The following ARHGEF4 variants were observed in gnomAD, a reference collection of about 807,000 sequenced individuals.
The protein encoded by ARHGEF4 is Rho guanine nucleotide exchange factor 4, also known as APC-stimulated guanine nucleotide exchange factor 1.
A neutral mutation model predicts 162.0 loss-of-function variants in ARHGEF4; 119 were observed. The ratio of observed to expected loss-of-function variants is 0.73; its 90% CI spans 0.63 to 0.86. The LOEUF (loss-of-function observed/expected upper bound fraction) is 0.86, where lower values mean the gene tolerates loss of function less well. Ranked by LOEUF, ARHGEF4 falls within the 40% of genes least tolerant of loss-of-function variation. The pLI is 0.00. For synonymous variants in ARHGEF4, 1,014 were observed against 979.9 expected (o/e 1.03, Z -0.65); for missense variants, 2,488 against 2,456.0 (o/e 1.01, Z -0.28).
intron 2 of ARHGEF4, among the ~76,000 whole-genome samples, chr2:130,926,022 TTCTTTCTTTCTTTCTTTCTTTCTTTC>T (rs1682237011): frequency 9.8e-6 from 1 of 102,422 alleles, no homozygotes; most frequent in Non-Finnish European, 1.8e-5. Context: ...CTCTCTTTCT[TTCTTTCTTTCTTTCTTTCTTTCTTTC>T]TCTTTCTTTC....
In ARHGEF4 at chr2:131,044,416, T is replaced by A; in HGVS notation, c.5275T>A (p.Phe1759Ile). The A allele has an allele frequency of 6.4e-7, 1 of 1,574,094 alleles. No individual in the cohort carries two copies. The highest frequency in any genetic ancestry group is 8.6e-7 in the Non-Finnish European group (1 of 1,159,694). Residue 1759 changes from phenylalanine to isoleucine, a missense_variant, in exon 12 of 14, where the codon TTC becomes ATC. This residue lies in a region of ARHGEF4 where 415 missense variants were observed against 512.4 expected (regional missense o/e 0.81). Transcript: ENST00000409359. Reference protein sequence around the residue: ...RDLHVSIKNAFRLHRGATGDS... With the variant: ...RDLHVSIKNAIRLHRGATGDS... Reference sequence around the variant, plus strand: ...CCTCCATGTGAGCATCAAGAACGCCTTCCGGCTGCACCGTGGCGCCACAGG... The same window carrying A: ...CCTCCATGTGAGCATCAAGAACGCCATCCGGCTGCACCGTGGCGCCACAGG...
In ARHGEF4 at chr2:131,040,264, T is replaced by TACGTCCGGCAGTGCC. The variant is rs1690695163; in HGVS notation, c.4487_4501dup (p.Cys1500_Arg1501insHisValArgGlnCys). ...GCCTAACCACGTCCGCCCGCAGGGCTACGTCCGGCAGTGCCGCAAGCGCGC... is the reference window on the plus strand; with the variant it reads ...GCCTAACCACGTCCGCCCGCAGGGCTACGTCCGGCAGTGCCACGTCCGGCAGTGCCGCAAGCGCGC... On this transcript the variant is annotated inframe_insertion, in exon 8 of 14. Coordinates refer to ENST00000409359, the MANE Select transcript of ARHGEF4 (RefSeq NM_001367493.1). 6.2e-7 allele frequency: 1 copy of TACGTCCGGCAGTGCC among 1,612,364 alleles called. No homozygotes were observed. The highest frequency in any genetic ancestry group is 8.5e-7 in the Non-Finnish European group (1 of 1,179,560).
Position 130,916,238 on chromosome 2 carries a change from C to T in ARHGEF4, c.2292C>T (p.Gly764=), listed in dbSNP as rs1383395335. ...AAGGCGGTGCTGCAGCAGCCCGGGGCCAGCGCCCCCGCGTCCCCGCCTTGG... is the reference window on the plus strand; with the variant it reads ...AAGGCGGTGCTGCAGCAGCCCGGGGTCAGCGCCCCCGCGTCCCCGCCTTGG... ...APEGGAAAAR[G]QRPRVPALEP... is the part of the protein sequence containing the mutation. Residue 764 remains glycine (G), a synonymous_variant, in exon 2 of 14, where the codon GGC becomes GGT. Coordinates refer to ENST00000409359, the MANE Select transcript of ARHGEF4 (RefSeq NM_001367493.1). 5.9e-6 allele frequency: 9 copies of T among 1,530,754 alleles called. No homozygotes were observed. In the East Asian group the frequency reaches 2.3e-4, roughly 38 times the overall value. 94.8% of individuals were successfully genotyped at this position (1,530,754 alleles called of 1,614,324 possible). A position where few individuals can be genotyped will look rare whatever the true frequency, so the allele number is the denominator to read the frequency against.
At chr2:130,998,779 T>C (rs1207141823) in intron 4 of ARHGEF4, among the ~76,000 whole-genome samples, 1 of 152,254 alleles carries the variant, frequency 6.6e-6, no homozygotes, top group Non-Finnish European at 1.5e-5. Context: ...CTATAAACAT[T>C]TGTGTACACG....
At chr2:130,957,658 A>G (rs1333962162) in intron 4 of ARHGEF4, among the ~76,000 whole-genome samples, 1 of 152,144 alleles carries the variant, frequency 6.6e-6, no homozygotes, top group Non-Finnish European at 1.5e-5. Context: ...ATATGATGGT[A>G]TTGGGAGGTA....
intron 5 of ARHGEF4, among the ~76,000 whole-genome samples, chr2:131,037,143 C>T (rs1330528722): frequency 6.6e-6 from 1 of 152,202 alleles, no homozygotes; most frequent in Non-Finnish European, 1.5e-5. Context: ...GGTCTGCAGC[C>T]CCCGCGTGGC....
At chr2:130,877,561 G>A (rs1678936566) in intron 1 of ARHGEF4, among the ~76,000 whole-genome samples, 1 of 152,108 alleles carries the variant, frequency 6.6e-6, no homozygotes, top group South Asian at 2.1e-4. Flanking sequence ...GAGGTGGAAG[G>A]ATTGCTTGAA....
chr2:130,913,073 T>A (rs548477242), intron 1 of ARHGEF4, among the ~76,000 whole-genome samples: 2 of 151,332 alleles, frequency 1.3e-5, no homozygotes, highest in Non-Finnish European at 2.9e-5. Flanking sequence ...TGGGGGGGAG[T>A]GGTTCAGGCA....
chr2:130,977,181 T>C (rs896316422), intron 4 of ARHGEF4, among the ~76,000 whole-genome samples: 1 of 151,574 alleles, frequency 6.6e-6, no homozygotes, highest in African/African-American at 2.4e-5. Context: ...GTATTGTGTG[T>C]TGTGTTTGTG....
At chr2:130,979,094 T>C (rs1360948165) in intron 4 of ARHGEF4, among the ~76,000 whole-genome samples, 3 of 152,178 alleles carry the variant, frequency 2.0e-5, no homozygotes, top group African/African-American at 4.8e-5. Flanking sequence ...AAAACATCAA[T>C]TGTGGATGAC....
intron 1 of ARHGEF4, among the ~76,000 whole-genome samples, chr2:130,874,036 C>G (rs1310233391): frequency 6.6e-6 from 1 of 152,160 alleles, no homozygotes; most frequent in African/African-American, 2.4e-5. Context: ...CCCAGCAGCT[C>G]AATTCCTCAA....
At chr2:130,935,284 C>T (rs1190626809) in intron 3 of ARHGEF4, among the ~76,000 whole-genome samples, 1 of 151,960 alleles carries the variant, frequency 6.6e-6, no homozygotes, top group Non-Finnish European at 1.5e-5. Flanking sequence ...GTGGTTTGCC[C>T]ACCTCAGCCT....
chr2:130,867,698 CT>C (rs1267279479), intron 1 of ARHGEF4, among the ~76,000 whole-genome samples: 2 of 152,138 alleles, frequency 1.3e-5, no homozygotes, highest in Non-Finnish European at 2.9e-5. Flanking sequence ...TCAGCCTGTA[CT>C]AAGTCTTCCC....
chr2:130,896,108 G>A (rs930903937), intron 1 of ARHGEF4, among the ~76,000 whole-genome samples: 3 of 152,040 alleles, frequency 2.0e-5, no homozygotes, highest in Admixed American at 2.0e-4. Context: ...ATTATTTGTT[G>A]AAAAGACTAT....
At chr2:130,853,461 A>G (rs1468612452) in intron 1 of ARHGEF4, among the ~76,000 whole-genome samples, 1 of 152,124 alleles carries the variant, frequency 6.6e-6, no homozygotes, top group South Asian at 2.1e-4. Flanking sequence ...CTGAACCTCA[A>G]TCATGTGCTA....
intron 1 of ARHGEF4, among the ~76,000 whole-genome samples, chr2:130,840,103 A>C (rs921155031): frequency 4.6e-5 from 7 of 152,156 alleles, no homozygotes; most frequent in African/African-American, 1.7e-4. Flanking sequence ...CAGGAAGCAC[A>C]CACATAGGCA....
chr2:131,032,848 C>CTTTT lies in ARHGEF4; in HGVS notation c.4125+4783_4125+4786dup, dbSNP rs111971610. 1.2e-3 allele frequency among the ~76,000 whole-genome samples: 160 copies of CTTTT among 128,592 alleles called. 3 individuals are homozygous for CTTTT. The highest frequency in any genetic ancestry group is 4.4e-3 in the African/African-American group (131 of 29,740). 84.4% of individuals were successfully genotyped at this position (128,592 alleles called of 152,430 possible). On this transcript the variant is annotated intron_variant, in intron 5 of 13. Transcript: ENST00000409359. ...TTTCTTTTCTTTTCTTTTCTTTTTT[C>CTTTT]TTTTTTTTTTTTTTTTTTTTTTGAG...
intron 2 of ARHGEF4, among the ~76,000 whole-genome samples, chr2:130,918,151 A>T (rs1215007577): frequency 2.0e-5 from 3 of 150,394 alleles, no homozygotes; most frequent in Non-Finnish European, 4.4e-5. Flanking sequence ...TGTGGCATTT[A>T]AAAAAATTCC....
At chr2:130,996,250 G>A (rs1687383253) in intron 4 of ARHGEF4, among the ~76,000 whole-genome samples, 1 of 152,168 alleles carries the variant, frequency 6.6e-6, no homozygotes, top group South Asian at 2.1e-4. Context: ...CCCCAGGCAA[G>A]GCAGCCCTGC....
Sources: gnomAD v4.1 joint callset for allele counts (sites outside exome capture counted in the v4.1 genomes callset) on GRCh38, gnomAD v4.1.1 for gene constraint, gnomAD v4.1.1 regional missense constraint, MANE v1.5 for transcripts, NCBI Gene and HGNC (gene_info 2026-07-23, HGNC 2026-07-21) for gene names.